The following MBNL3 variants were observed in gnomAD, a reference collection of about 807,000 sequenced individuals.
The protein encoded by MBNL3 is muscleblind like splicing regulator 3.
In MBNL3, 6 loss-of-function variants were observed where a neutral mutation model predicts 24.5. The observed-to-expected ratio is 0.25, with a 90% CI of 0.13 to 0.48. The LOEUF (loss-of-function observed/expected upper bound fraction) is 0.48, where lower values mean the gene tolerates loss of function less well. Ranked by LOEUF, MBNL3 falls within the 20% of genes least tolerant of loss-of-function variation. MBNL3 has a pLI of 0.99. For synonymous variants in MBNL3, 100 were observed against 101.7 expected (o/e 0.98, Z 0.10); for missense variants, 230 against 293.5 (o/e 0.78, Z 1.58).
intron 2 of MBNL3, among the ~76,000 whole-genome samples, chrX:132,423,188 A>G: frequency 8.9e-6 from 1 of 111,767 alleles, no homozygotes; most frequent in Non-Finnish European, 1.9e-5. Flanking sequence ...CCTAGGAAAC[A>G]CATTCATTTT....
At position 132,451,051 on chromosome X, in the gene MBNL3, G is replaced by A. The variant is rs764706669; in HGVS notation, c.-703-10737C>T. Among the ~76,000 whole-genome samples the A allele has an allele frequency of 1.3e-4, 14 of 111,656 alleles. No homozygotes were observed. In the East Asian group the frequency reaches 1.7e-3, roughly 14 times the overall value. The stretch of plus-strand genomic sequence containing the variant: ...CTCCTTCCTCTGGAAGCTTTGTCCC[G>A]GAGTGACACCCACCAGATGCCAGCC... On this transcript the variant is annotated intron_variant, in intron 1 of 8. Coordinates refer to ENST00000370853, the MANE Select transcript of MBNL3 (RefSeq NM_001386889.1).
intron 1 of MBNL3, among the ~76,000 whole-genome samples, chrX:132,480,887 G>A (rs973080213): frequency 2.7e-5 from 3 of 111,739 alleles, no homozygotes; most frequent in Non-Finnish European, 5.6e-5. Context: ...AAAGCTGCAC[G>A]TGTGGTGGGG....
At chrX:132,480,587 A>G (rs1947678061) in intron 1 of MBNL3, among the ~76,000 whole-genome samples, 1 of 111,672 alleles carries the variant, frequency 9.0e-6, no homozygotes, top group Admixed American at 9.4e-5. Flanking sequence ...CTGTTAGGAA[A>G]AGTAGCTCCA....
intron 1 of MBNL3, among the ~76,000 whole-genome samples, chrX:132,462,541 C>G (rs1239389702): frequency 8.9e-6 from 1 of 111,897 alleles, no homozygotes; most frequent in Non-Finnish European, 1.9e-5. Context: ...GAGTGACAAG[C>G]TGGAAGCTAG....
At chrX:132,380,243 T>C (rs1934636908) in intron 8 of MBNL3, among the ~76,000 whole-genome samples, 1 of 112,156 alleles carries the variant, frequency 8.9e-6, no homozygotes, top group African/African-American at 3.2e-5. Context: ...GGAATCACTC[T>C]TCCCTAACAT....
chrX:132,396,604 C>CA (rs1938840785), intron 3 of MBNL3, among the ~76,000 whole-genome samples: 1 of 17,441 alleles, frequency 5.7e-5, no homozygotes, highest in East Asian at 1.6e-3. Context: ...ATATATATTC[C>CA]TATATATATT....
At chrX:132,441,267 T>A (rs1411706415) in intron 1 of MBNL3, among the ~76,000 whole-genome samples, 4 of 112,409 alleles carry the variant, frequency 3.6e-5, no homozygotes, top group African/African-American at 6.5e-5. Context: ...ATAATAGTTC[T>A]CCTCTTTAAG....
At chrX:132,485,246 T>C (rs945354680) in intron 1 of MBNL3, among the ~76,000 whole-genome samples, 2 of 111,635 alleles carry the variant, frequency 1.8e-5, no homozygotes, top group Admixed American at 1.9e-4. Context: ...AATTGACCAC[T>C]AATTTGTACA....
At chrX:132,436,305 T>C (rs1462328519) in intron 2 of MBNL3, among the ~76,000 whole-genome samples, 1 of 111,943 alleles carries the variant, frequency 8.9e-6, no homozygotes, top group Non-Finnish European at 1.9e-5. Flanking sequence ...GCACTCAACA[T>C]TCATGGATTG....
intron 2 of MBNL3, among the ~76,000 whole-genome samples, chrX:132,435,911 A>T (rs1160917937): frequency 1.8e-5 from 2 of 111,942 alleles, no homozygotes; most frequent in Non-Finnish European, 3.8e-5. Flanking sequence ...CTGGATAAAA[A>T]GTGACTGATA....
rs750944910 is a variant in MBNL3, at chrX:132,370,810, G to T, written c.*8856C>A. 9.0e-6 allele frequency: 1 copy of T among 111,603 alleles called. No homozygotes were observed. Among genetic ancestry groups the T allele is most frequent in the Non-Finnish European group, 1.9e-5 (1 of 53,140 alleles). The allele number at this position is 111,603 out of a possible 1,213,427, so 9.2% of individuals were successfully genotyped here. A position where few individuals can be genotyped will look rare whatever the true frequency, so the allele number is the denominator to read the frequency against. On this transcript the variant is annotated 3_prime_UTR_variant, in exon 9 of 9. Transcript: ENST00000370853. ...TTCCAGGGCCAGAGGCCACCATGAG[G>T]GATGAGAAAAGGATGCTGTGAAAAG...
rs144283084 is a variant in MBNL3, at chrX:132,468,584, G to A, written c.-704+20267C>T. Among the ~76,000 whole-genome samples, 612 of 112,435 alleles carry A rather than the reference G, an allele frequency of 5.4e-3. 2 individuals carry two copies. The highest frequency in any genetic ancestry group is 0.012 in the African/African-American group (363 of 31,031). On this transcript the variant is annotated intron_variant, in intron 1 of 8. Transcript: ENST00000370853. ...GCAAGGCACTGTTTTTAGCACACTC[G>A]TATATATTAATTCATTTACTGCTCA... is the stretch of plus-strand genomic sequence containing the variant.
At chrX:132,434,309 G>A (rs1021085693) in intron 2 of MBNL3, among the ~76,000 whole-genome samples, 1 of 112,039 alleles carries the variant, frequency 8.9e-6, no homozygotes, top group Non-Finnish European at 1.9e-5. Flanking sequence ...ATTTTCCCTT[G>A]CTCTCTTTCT....
intron 2 of MBNL3, among the ~76,000 whole-genome samples, chrX:132,436,869 G>A (rs962314124): frequency 8.9e-6 from 1 of 111,897 alleles, no homozygotes; most frequent in African/African-American, 3.2e-5. Flanking sequence ...ACTAAAATAT[G>A]AGAATGTAAG....
At chrX:132,385,471 A>G (rs757987991) in intron 6 of MBNL3, among the ~76,000 whole-genome samples, 3 of 111,298 alleles carry the variant, frequency 2.7e-5, no homozygotes, top group South Asian at 3.8e-4. Context: ...ATTTTTGAAG[A>G]AAAAAAATGC....
chrX:132,468,229 T>C (rs1434525602), intron 1 of MBNL3, among the ~76,000 whole-genome samples: 1 of 112,528 alleles, frequency 8.9e-6, no homozygotes, highest in Non-Finnish European at 1.9e-5. Flanking sequence ...TGGCATGAAA[T>C]CATGTGTGAG....
intron 3 of MBNL3, among the ~76,000 whole-genome samples, chrX:132,400,887 G>C (rs990003976): frequency 2.7e-5 from 3 of 111,942 alleles, no homozygotes; most frequent in Middle Eastern, 4.7e-3. Flanking sequence ...ATTATATTAA[G>C]AGCATATTAA....
chrX:132,438,006 A>G (rs1945206873), intron 2 of MBNL3: 1 of 321,844 alleles, frequency 3.1e-6, no homozygotes, highest in African/African-American at 2.9e-5. Flanking sequence ...TAACCCTTTA[A>G]GTACTACAGG....
At chrX:132,398,798 A>AACC (rs759581321) in intron 3 of MBNL3, among the ~76,000 whole-genome samples, 34 of 110,884 alleles carry the variant, frequency 3.1e-4, no homozygotes, top group Non-Finnish European at 5.3e-4. Flanking sequence ...GACCAACCAC[A>AACC]ACCACCACCA....
Sources: allele counts gnomAD v4.1 joint callset (sites outside exome capture counted in the v4.1 genomes callset), GRCh38; gene constraint gnomAD v4.1.1; transcripts MANE v1.5; gene names NCBI Gene and HGNC (gene_info 2026-07-23, HGNC 2026-07-21).